The following ZNF251 variants were observed in gnomAD, a reference collection of about 807,000 sequenced individuals.
The protein encoded by ZNF251 is zinc finger protein 251.
ZNF251 carries 14 observed loss-of-function variants against 13.5 expected under a neutral mutation model. The observed-to-expected ratio is 1.04, with a 90% CI of 0.69 to 1.63. The LOEUF (loss-of-function observed/expected upper bound fraction) is 1.63, where lower values mean the gene tolerates loss of function less well. Ranked by LOEUF, ZNF251 falls within the 40% of genes most tolerant of loss-of-function variation. The probability of loss-of-function intolerance (pLI) is 0.00; values close to 1 mark genes in which losing one functional copy is unlikely to be tolerated. For synonymous variants in ZNF251, 287 were observed against 295.2 expected (o/e 0.97, Z 0.28); for missense variants, 764 against 834.9 (o/e 0.92, Z 1.05).
rs1823423653 is a variant in ZNF251 at position 144,723,267 on chromosome 8, A to T, written c.393T>A (p.Ala131=). Residue 131 remains alanine (A), a synonymous_variant, in exon 5 of 5, where the codon GCT becomes GCA. Transcript: ENST00000292562. ...RRLLRDNAQA[A]EFREAWGREG... ...CACGGCCCCATGCTTCCCGAAACTC[A>T]GCGGCCTGTGCATTATCCCTTAAGA... 2 of 1,612,898 alleles carry T rather than the reference A, an allele frequency of 1.2e-6. No homozygotes were observed. Among genetic ancestry groups the T allele is most frequent in the Non-Finnish European group, 1.7e-6 (2 of 1,179,474 alleles).
chr8:144,737,950 C>T (rs1823980221), intron 4 of ZNF251, among the ~76,000 whole-genome samples: 1 of 151,984 alleles, frequency 6.6e-6, no homozygotes, highest in Non-Finnish European at 1.5e-5. Context: ...GCAGCAGATC[C>T]TATTAATCGT....
chr8:144,746,763 C>A (rs1220402039), intron 4 of ZNF251, among the ~76,000 whole-genome samples: 1 of 149,896 alleles, frequency 6.7e-6, no homozygotes, highest in Non-Finnish European at 1.5e-5. Flanking sequence ...CAGAGTTGTT[C>A]ATCTTTTTTT....
At chr8:144,744,691 C>A (rs1824334654) in intron 4 of ZNF251, among the ~76,000 whole-genome samples, 1 of 152,170 alleles carries the variant, frequency 6.6e-6, no homozygotes, top group Non-Finnish European at 1.5e-5. Context: ...CATCTGTAAC[C>A]TAGAAAGAGA....
intron 4 of ZNF251, 33 bp from the exon 5 acceptor site, chr8:144,723,415 G>A: frequency 7.1e-7 from 1 of 1,399,854 alleles, no homozygotes; most frequent in Non-Finnish European, 9.3e-7. Flanking sequence ...AGTTACTAGA[G>A]AAAACCTTCC....
At chr8:144,746,116 A>G (rs1586703370) in intron 4 of ZNF251, among the ~76,000 whole-genome samples, 1 of 152,228 alleles carries the variant, frequency 6.6e-6, no homozygotes, top group Non-Finnish European at 1.5e-5. Context: ...ATAAAGGAAA[A>G]TGTAGATTTT....
chr8:144,729,915 G>GT (rs1018660489), intron 4 of ZNF251: 27 of 452,096 alleles, frequency 6.0e-5, no homozygotes, highest in Middle Eastern at 1.1e-3. Flanking sequence ...GGTTACATGT[G>GT]TTTTTTGTGA....
chr8:144,733,240 G>A (rs1406166337), intron 4 of ZNF251, among the ~76,000 whole-genome samples: 1 of 152,064 alleles, frequency 6.6e-6, no homozygotes, highest in Non-Finnish European at 1.5e-5. Flanking sequence ...AAACAAAAAT[G>A]TTGATAAAAT....
intron 4 of ZNF251, among the ~76,000 whole-genome samples, chr8:144,728,239 G>C (rs755615101): frequency 8.5e-5 from 13 of 152,132 alleles, no homozygotes. Flanking sequence ...TGGCTGATCA[G>C]TGGGTCAGGA....
chr8:144,732,678 G>T (rs961519630), intron 4 of ZNF251, among the ~76,000 whole-genome samples: 28 of 152,066 alleles, frequency 1.8e-4, no homozygotes, highest in Admixed American at 1.0e-3. Flanking sequence ...TGGGTGTGGT[G>T]GCAGGCACTT....
At chr8:144,742,287 G>A (rs1250489079) in intron 4 of ZNF251, among the ~76,000 whole-genome samples, 3 of 152,128 alleles carry the variant, frequency 2.0e-5, no homozygotes, top group Admixed American at 6.5e-5. Flanking sequence ...CTCGCACCAC[G>A]AGAAATGCAA....
At chr8:144,735,001 G>A (rs930991515) in intron 4 of ZNF251, among the ~76,000 whole-genome samples, 3 of 152,038 alleles carry the variant, frequency 2.0e-5, no homozygotes, top group African/African-American at 7.3e-5. Flanking sequence ...TTGAACCAGG[G>A]AGGCAGAGGT....
chr8:144,753,400 G>A (rs536420489), intron 4 of ZNF251: 1 of 318,384 alleles, frequency 3.1e-6, no homozygotes, highest in Non-Finnish European at 5.7e-6. Context: ...GGAAATAAGT[G>A]TATTATAAAG....
chr8:144,730,789 G>A (rs1823670852), intron 4 of ZNF251, among the ~76,000 whole-genome samples: 4 of 152,194 alleles, frequency 2.6e-5, no homozygotes, highest in African/African-American at 7.2e-5. Context: ...GGACACCCCC[G>A]AAACACACTC....
chr8:144,741,028 C>A (rs1169937342), intron 4 of ZNF251, among the ~76,000 whole-genome samples: 1 of 152,174 alleles, frequency 6.6e-6, no homozygotes, highest in South Asian at 2.1e-4. Flanking sequence ...ACAGGAGGCC[C>A]TGGAGGCTGA....
intron 4 of ZNF251, among the ~76,000 whole-genome samples, chr8:144,729,108 A>G (rs1257634483): frequency 6.7e-6 from 1 of 148,848 alleles, no homozygotes; most frequent in Non-Finnish European, 1.5e-5. Flanking sequence ...AAAAAAAAAA[A>G]GCAGCAGTAT....
intron 4 of ZNF251, chr8:144,753,394 A>G (rs1332835322): frequency 6.5e-6 from 2 of 308,140 alleles, no homozygotes; most frequent in African/African-American, 2.2e-5. Flanking sequence ...TCAAAAGGAA[A>G]TAAGTGTATT....
At chr8:144,744,744 C>T (rs1030666380) in intron 4 of ZNF251, among the ~76,000 whole-genome samples, 1 of 152,124 alleles carries the variant, frequency 6.6e-6, no homozygotes, top group South Asian at 2.1e-4. Flanking sequence ...TGATCTCGGA[C>T]GTGTAGCCTC....
intron 4 of ZNF251, among the ~76,000 whole-genome samples, chr8:144,725,067 G>C (rs1339647863): frequency 6.6e-6 from 1 of 151,950 alleles, no homozygotes; most frequent in Non-Finnish European, 1.5e-5. Context: ...AGACTGGAGT[G>C]CAATGGCACG....
intron 4 of ZNF251, among the ~76,000 whole-genome samples, chr8:144,732,637 C>G (rs367557809): frequency 3.3e-5 from 5 of 151,250 alleles, no homozygotes; most frequent in Non-Finnish European, 5.9e-5. Flanking sequence ...ACGGTGAAAC[C>G]CCGTCTCTAC....
Sources: gnomAD v4.1 joint callset for allele counts (sites outside exome capture counted in the v4.1 genomes callset) on GRCh38, gnomAD v4.1.1 for gene constraint, MANE v1.5 for transcripts, NCBI Gene and HGNC (gene_info 2026-07-23, HGNC 2026-07-21) for gene names.